The following NEDD4 variants were observed in gnomAD, a reference collection of about 807,000 sequenced individuals.
NEDD4 encodes the protein E3 ubiquitin-protein ligase NEDD4.
In NEDD4, 99 loss-of-function variants were observed where a neutral mutation model predicts 144.9. That is an observed-to-expected ratio of 0.68 (90% CI 0.58 to 0.81). The LOEUF (loss-of-function observed/expected upper bound fraction) is 0.81. NEDD4 is among the 30% of genes least tolerant of loss of function. The pLI, the probability that NEDD4 is intolerant of heterozygous loss-of-function variation, is 0.00. For missense variants in NEDD4, 985 were observed against 1,065.9 expected, an observed-to-expected ratio of 0.92 and a Z score of 1.06; for synonymous variants, 318 against 350.6, an observed-to-expected ratio of 0.91 and a Z score of 1.04.
intron 14 of NEDD4, among the ~76,000 whole-genome samples, chr15:55,849,721 GTAT>G (rs2033901730): frequency 6.7e-6 from 1 of 149,818 alleles, no homozygotes; most frequent in Non-Finnish European, 1.5e-5. Context: ...AATAAGTTTA[GTAT>G]TATTTAAGCT....
At chr15:55,977,486 T>A (rs1414222399) in intron 1 of NEDD4, among the ~76,000 whole-genome samples, 1 of 151,760 alleles carries the variant, frequency 6.6e-6, no homozygotes, top group Non-Finnish European at 1.5e-5. Flanking sequence ...AAGCAATGCA[T>A]GACTGTAAAT....
chr15:55,877,985 T>C (rs183350382), intron 5 of NEDD4, among the ~76,000 whole-genome samples: 45 of 152,314 alleles, frequency 3.0e-4, no homozygotes, highest in Admixed American at 5.9e-4. Context: ...GTTCAGCATA[T>C]ACTCTTCTTA....
chr15:55,916,233 G>A (rs1212407536), intron 5 of NEDD4: 2 of 1,613,972 alleles, frequency 1.2e-6, no homozygotes, highest in South Asian at 1.1e-5. Context: ...ACCCAAAAAA[G>A]TATCATCACT....
At chr15:55,850,771 T>C in intron 13 of NEDD4, 29 bp from the exon 14 acceptor site, 1 of 1,584,092 alleles carries the variant, frequency 6.3e-7, no homozygotes, top group Non-Finnish European at 8.6e-7. Flanking sequence ...CATATTGTAA[T>C]ATTTTATAGA....
At chr15:55,941,839 C>T (rs1437948179) in intron 4 of NEDD4, among the ~76,000 whole-genome samples, 2 of 152,104 alleles carry the variant, frequency 1.3e-5, no homozygotes, top group African/African-American at 2.4e-5. Flanking sequence ...TCCCAAAGTG[C>T]GAGGATTATA....
At chr15:55,864,540 G>A (rs555608622) in intron 8 of NEDD4, among the ~76,000 whole-genome samples, 17 of 152,006 alleles carry the variant, frequency 1.1e-4, no homozygotes, top group African/African-American at 3.9e-4. Flanking sequence ...AATTAGCCAG[G>A]TGTGGTGGCG....
chr15:55,908,484 G>A (rs993426530), intron 5 of NEDD4, among the ~76,000 whole-genome samples: 2 of 152,020 alleles, frequency 1.3e-5, no homozygotes, highest in Admixed American at 6.5e-5. Context: ...TGGATACTTC[G>A]ACTTTGAACT....
At chr15:55,932,751 A>C (rs1427347834) in intron 4 of NEDD4, among the ~76,000 whole-genome samples, 1 of 152,200 alleles carries the variant, frequency 6.6e-6, no homozygotes, top group Non-Finnish European at 1.5e-5. Flanking sequence ...AATGGGAGAA[A>C]ATTTTTACAA....
At chr15:55,947,208 T>C (rs2037131724) in intron 4 of NEDD4, among the ~76,000 whole-genome samples, 1 of 151,982 alleles carries the variant, frequency 6.6e-6, no homozygotes, top group South Asian at 2.1e-4. Context: ...AAAAAATCAA[T>C]GAATCCAGGA....
chr15:55,930,049 C>T (rs2036749886), intron 4 of NEDD4, among the ~76,000 whole-genome samples: 2 of 152,096 alleles, frequency 1.3e-5, no homozygotes, highest in African/African-American at 4.8e-5. Flanking sequence ...AGAGGATTTT[C>T]TGAACAGAGT....
intron 18 of NEDD4, among the ~76,000 whole-genome samples, chr15:55,845,167 T>C (rs1200771748): frequency 3.3e-5 from 5 of 152,336 alleles, no homozygotes; most frequent in African/African-American, 1.2e-4. Context: ...GGTGACTTCA[T>C]GTCTTTTAAC....
At chr15:55,957,160 G>A (rs2037351409) in intron 2 of NEDD4, among the ~76,000 whole-genome samples, 1 of 152,172 alleles carries the variant, frequency 6.6e-6, no homozygotes, top group African/African-American at 2.4e-5. Context: ...TTGTGGTGGT[G>A]TTAAATTCAT....
chr15:55,852,316 G>A (rs1202357190), intron 13 of NEDD4, 108 bp downstream of exon 13: 12 of 1,120,008 alleles, frequency 1.1e-5, no homozygotes, highest in South Asian at 2.1e-5. Context: ...AAAAAAAAAA[G>A]AAGGTGGTAG....
chr15:55,845,032 C>T (rs748758314), intron 18 of NEDD4, among the ~76,000 whole-genome samples: 7 of 152,094 alleles, frequency 4.6e-5, no homozygotes, highest in Non-Finnish European at 1.0e-4. Context: ...AAGTGTTCTG[C>T]TCTTTTGCTA....
intron 9 of NEDD4, among the ~76,000 whole-genome samples, chr15:55,861,482 C>G (rs908804237): frequency 6.6e-6 from 1 of 151,944 alleles, no homozygotes; most frequent in African/African-American, 2.4e-5. Flanking sequence ...AATAGCTTAA[C>G]AGGTGACTAC....
chr15:55,928,407 T>C (rs1368296245), intron 4 of NEDD4, among the ~76,000 whole-genome samples: 1 of 152,186 alleles, frequency 6.6e-6, no homozygotes, highest in Non-Finnish European at 1.5e-5. Flanking sequence ...TTGTCCCCAA[T>C]GGTCTAAATA....
intron 1 of NEDD4, among the ~76,000 whole-genome samples, chr15:55,967,472 G>A (rs930749144): frequency 2.0e-5 from 3 of 150,288 alleles, no homozygotes; most frequent in South Asian, 2.1e-4. Context: ...GTGTGTGTGT[G>A]TGTATGTGTG....
chr15:55,890,668 AT>A (rs1470166809), intron 5 of NEDD4, among the ~76,000 whole-genome samples: 1 of 152,192 alleles, frequency 6.6e-6, no homozygotes, highest in Non-Finnish European at 1.5e-5. Context: ...GTACGAACAT[AT>A]GTTTTCATTT....
chr15:55,955,459 C>G (rs1437072659), intron 2 of NEDD4, among the ~76,000 whole-genome samples: 2 of 152,120 alleles, frequency 1.3e-5, no homozygotes, highest in African/African-American at 4.8e-5. Context: ...TATTAACTTC[C>G]ATTTCTACTT....
Sources: allele counts gnomAD v4.1 joint callset (sites outside exome capture counted in the v4.1 genomes callset), GRCh38; gene constraint gnomAD v4.1.1; transcripts MANE v1.5; gene names NCBI Gene and HGNC (gene_info 2026-07-23, HGNC 2026-07-21).